The following DLG2 variants were observed in gnomAD, a reference collection of about 807,000 sequenced individuals.
DLG2 encodes discs large MAGUK scaffold protein 2, also known as disks large homolog 2.
DLG2 carries 45 observed loss-of-function variants against 132.5 expected under a neutral mutation model. The observed-to-expected ratio is 0.34, with a 90% confidence interval of 0.27 to 0.44. The LOEUF is 0.44. DLG2 is among the 20% of genes least tolerant of loss of function. DLG2 has a pLI of 1.00. For synonymous variants in DLG2, 424 were observed against 419.6 expected (o/e 1.01, Z -0.13); for missense variants, 1,045 against 1,196.9 (o/e 0.87, Z 1.87).
At chr11:85,547,100 G>A (rs866711982) in intron 3 of DLG2, among the ~76,000 whole-genome samples, 3 of 152,072 alleles carry the variant, frequency 2.0e-5, no homozygotes, top group Non-Finnish European at 4.4e-5. Flanking sequence ...TCATAGCGTC[G>A]ATGGTCTTTA....
intron 18 of DLG2, among the ~76,000 whole-genome samples, chr11:83,633,743 A>AAC (rs35932645): frequency 0.25 from 36,224 of 143,050 alleles, 4,855 homozygotes; most frequent in East Asian, 0.55. Context: ...CACAGAACTA[A>AAC]ACACACACAC....
intron 3 of DLG2, among the ~76,000 whole-genome samples, chr11:85,395,071 C>G (rs2087178643): frequency 6.6e-6 from 1 of 152,186 alleles, no homozygotes; most frequent in African/African-American, 2.4e-5. Flanking sequence ...GTGAAACACT[C>G]TTACTGACAA....
intron 4 of DLG2, among the ~76,000 whole-genome samples, chr11:85,199,582 T>TC (rs1460704177): frequency 6.6e-6 from 1 of 152,208 alleles, no homozygotes; most frequent in Non-Finnish European, 1.5e-5. Context: ...ATTCTGAAAT[T>TC]CTTCCTCTAT....
At chr11:84,591,386 G>C (rs1299314894) in intron 6 of DLG2, among the ~76,000 whole-genome samples, 1 of 151,296 alleles carries the variant, frequency 6.6e-6, no homozygotes, top group African/African-American at 2.4e-5. Flanking sequence ...AGAACTAACA[G>C]TCAGGTGCAG....
chr11:84,355,166 G>C (rs1021014185), intron 7 of DLG2, among the ~76,000 whole-genome samples: 1 of 152,092 alleles, frequency 6.6e-6, no homozygotes, highest in Non-Finnish European at 1.5e-5. Context: ...ATGCTTCTTA[G>C]AGGTGTTGCT....
chr11:84,130,578 G>GAC (rs34372974), intron 9 of DLG2, among the ~76,000 whole-genome samples: 1,479 of 138,564 alleles, frequency 0.011, 17 homozygotes, highest in African/African-American at 0.031. Flanking sequence ...CGCACACATA[G>GAC]ACACACACAC....
chr11:85,409,077 G>A (rs2089066543), intron 3 of DLG2, among the ~76,000 whole-genome samples: 1 of 151,922 alleles, frequency 6.6e-6, no homozygotes, highest in Admixed American at 6.6e-5. Flanking sequence ...ATTGCTCCAA[G>A]TTGCATCAGC....
chr11:85,190,546 T>C (rs1057070687), intron 4 of DLG2, among the ~76,000 whole-genome samples: 3 of 151,968 alleles, frequency 2.0e-5, no homozygotes, highest in Admixed American at 2.0e-4. Context: ...GATGTAAAAT[T>C]CATTTGAAAA....
chr11:84,317,259 AGTATCTTT>A, intron 7 of DLG2: 3 of 1,497,806 alleles, frequency 2.0e-6, no homozygotes, highest in Non-Finnish European at 2.7e-6. Flanking sequence ...TGGATTCCTC[AGTATCTTT>A]GACAGCTGCT....
chr11:85,491,198 A>G (rs936395019), intron 3 of DLG2, among the ~76,000 whole-genome samples: 7 of 152,174 alleles, frequency 4.6e-5, no homozygotes, highest in African/African-American at 1.4e-4. Context: ...AGATATAGAA[A>G]AGGCATTTGA....
At chr11:84,071,876 T>C (rs956587083) in intron 10 of DLG2, among the ~76,000 whole-genome samples, 2 of 152,172 alleles carry the variant, frequency 1.3e-5, no homozygotes. Flanking sequence ...TTCTGCAGCA[T>C]AGAGGAAAAG....
chr11:84,702,735 T>C (rs1054380930), intron 6 of DLG2, among the ~76,000 whole-genome samples: 1 of 151,748 alleles, frequency 6.6e-6, no homozygotes, highest in Non-Finnish European at 1.5e-5. Context: ...CGATCTCCTA[T>C]CATGTCTTTC....
intron 6 of DLG2, among the ~76,000 whole-genome samples, chr11:84,976,124 T>C (rs1008153082): frequency 6.6e-6 from 1 of 152,164 alleles, no homozygotes; most frequent in Non-Finnish European, 1.5e-5. Context: ...AATGGTGACA[T>C]TATATGGCAT....
chr11:85,240,444 C>T (rs1323248769), intron 4 of DLG2, among the ~76,000 whole-genome samples: 2 of 151,642 alleles, frequency 1.3e-5, no homozygotes, highest in African/African-American at 4.8e-5. Flanking sequence ...AAATATATCA[C>T]CTTTTCCTTA....
chr11:84,000,089 T>C (rs1351653564), intron 11 of DLG2, among the ~76,000 whole-genome samples: 23 of 151,992 alleles, frequency 1.5e-4, no homozygotes, highest in African/African-American at 5.3e-4. Flanking sequence ...CTCAGTGATA[T>C]AGAAGAGAAT....
intron 6 of DLG2, among the ~76,000 whole-genome samples, chr11:84,987,960 T>C (rs1224531618): frequency 2.6e-5 from 4 of 152,130 alleles, no homozygotes; most frequent in Admixed American, 2.6e-4. Context: ...GCAAAAGGAA[T>C]GGTCAGCAGA....
chr11:83,791,904 A>G (rs1309407652), intron 17 of DLG2, among the ~76,000 whole-genome samples: 1 of 152,204 alleles, frequency 6.6e-6, no homozygotes, highest in Non-Finnish European at 1.5e-5. Context: ...CACTATATGC[A>G]CATGCAAGCA....
rs148406693 is a variant in DLG2 at position 83,953,098 on chromosome 11, C to T, written c.1340+9787G>A. On this transcript the variant is annotated intron_variant, in intron 14 of 27. Transcript: ENST00000376104. ...CAATTACCTAGAAGTAAAAAATGAA[C>T]GACATAACCCAAAACTTATGAAATT... is the stretch of plus-strand genomic sequence containing the variant. 8.6e-3 allele frequency among the ~76,000 whole-genome samples: 1,313 copies of T among 152,182 alleles called. 5 individuals carry two copies. Among genetic ancestry groups the T allele is most frequent in the Middle Eastern group, 0.048 (14 of 294 alleles).
rs190739464 is a variant in DLG2, at chr11:83,512,802, G to A, written c.2193+19906C>T. ...GAGCTGTTTGGTTTTTTGTCCTTGC[G>A]ATAGTTTGCTGAGAATGATGGTTTC... On this transcript the variant is annotated intron_variant, in intron 21 of 27. Coordinates refer to ENST00000376104, the MANE Select transcript of DLG2 (RefSeq NM_001142699.3). Among the ~76,000 whole-genome samples the A allele has an allele frequency of 6.9e-3, 1,051 of 151,926 alleles. 18 individuals carry two copies. Among genetic ancestry groups the A allele is most frequent in the African/African-American group, 0.025 (1,017 of 41,372 alleles).
Sources: allele counts gnomAD v4.1 joint callset (sites outside exome capture counted in the v4.1 genomes callset), GRCh38; gene constraint gnomAD v4.1.1; transcripts MANE v1.5; gene names NCBI Gene and HGNC (gene_info 2026-07-23, HGNC 2026-07-21).